THTPA: variants seen among roughly 807,000 people sequenced by gnomAD.
THTPA encodes the protein thiamine triphosphatase.
THTPA carries 16 observed loss-of-function variants against 16.5 expected under a neutral mutation model. The observed-to-expected ratio is 0.97, with a 90% CI of 0.66 to 1.47. The LOEUF (loss-of-function observed/expected upper bound fraction) is 1.47. Among genes scored for constraint, THTPA ranks in the 40% most tolerant of loss-of-function variants. The pLI is 0.00. For missense variants in THTPA, 281 were observed against 280.9 expected (o/e 1.00, Z 0.00); for synonymous variants, 110 against 115.5 (o/e 0.95, Z 0.30).
At chr14:23,512,060 C>T in the THTPA span, among the ~76,000 whole-genome samples, 1 of 152,132 alleles carries the variant, frequency 6.6e-6, no homozygotes, top group Non-Finnish European at 1.5e-5. Flanking sequence ...ATCCCAATCT[C>T]TACTTCTCTT....
the THTPA span, chr14:23,533,451 G>C: frequency 1.3e-6 from 2 of 1,533,680 alleles, no homozygotes; most frequent in African/African-American, 1.4e-5. The surrounding 1 kb of genome is among the most constrained non-coding windows in gnomAD (Gnocchi z 4.8). Flanking sequence ...GGGGGCTAGT[G>C]GGGGTAGCCC....
the THTPA span, chr14:23,523,146 A>T: frequency 1.4e-6 from 2 of 1,405,168 alleles, no homozygotes; most frequent in Non-Finnish European, 1.8e-6. The surrounding 1 kb of genome is among the most constrained non-coding windows in gnomAD (Gnocchi z 4.1). Context: ...AAGGAAGGGC[A>T]TGTCATTAGA....
the THTPA span, among the ~76,000 whole-genome samples, chr14:23,546,375 G>C: frequency 0.011 from 1,645 of 152,328 alleles, 12 homozygotes; most frequent in Non-Finnish European, 0.017. The surrounding 1 kb of genome is among the most constrained non-coding windows in gnomAD (Gnocchi z 4.7). Flanking sequence ...GGGGTGCTGA[G>C]CATCTCAGTA....
chr14:23,534,407 C>T, the THTPA span: 1 of 1,536,812 alleles, frequency 6.5e-7, no homozygotes, highest in South Asian at 1.2e-5. The surrounding 1 kb of genome is among the most constrained non-coding windows in gnomAD (Gnocchi z 4.5). Context: ...CTGCTGTTGT[C>T]AAGGGGTATG....
Position 23,559,677 on chromosome 14 carries a change from TGTAG to T in THTPA, c.*840_*843del. The T allele has an allele frequency of 7.2e-7, 1 of 1,386,836 alleles. No individual in the cohort carries two copies. Among genetic ancestry groups the T allele is most frequent in the Non-Finnish European group, 1.0e-6 (1 of 986,088 alleles). The allele number at this position is 1,386,836 out of a possible 1,614,324, so 85.9% of individuals were successfully genotyped here. ...GCGCCACCTGCTGGTAGCCCTCAGG[TGTAG>T]GTTCGAAGCTGCTGGGGCCCCCTGG... On this transcript the variant is annotated 3_prime_UTR_variant, in exon 2 of 2. Coordinates refer to ENST00000288014, the MANE Select transcript of THTPA (RefSeq NM_024328.6).
At chr14:23,530,216 T>C in the THTPA span, 7 of 1,504,988 alleles carry the variant, frequency 4.7e-6, no homozygotes, top group Non-Finnish European at 6.2e-6. Flanking sequence ...GGGGGGAGAG[T>C]CAGCTTAAAG....
the THTPA span, among the ~76,000 whole-genome samples, chr14:23,544,854 C>T: frequency 6.6e-6 from 1 of 152,170 alleles, no homozygotes; most frequent in African/African-American, 2.4e-5. Flanking sequence ...CTCCATTCCA[C>T]TTCTCCTTCT....
the THTPA span, chr14:23,524,044 A>G: frequency 6.6e-6 from 10 of 1,513,844 alleles, no homozygotes; most frequent in Non-Finnish European, 8.8e-6. This position sits in a 1 kb window ranked among gnomAD's most constrained non-coding sequence, Gnocchi z 5.6. Context: ...TGGGGTAGGG[A>G]AAAGCAGGTG....
chr14:23,544,106 T>A, the THTPA span: 6 of 151,632 alleles, frequency 4.0e-5, no homozygotes, highest in South Asian at 2.1e-4. Flanking sequence ...ACAAAAAAAA[T>A]GAGCCGGGCG....
At chr14:23,523,450 A>G in the THTPA span, 2 of 1,535,806 alleles carry the variant, frequency 1.3e-6, no homozygotes, top group South Asian at 1.2e-5. This position sits in a 1 kb window ranked among gnomAD's most constrained non-coding sequence, Gnocchi z 4.1. Flanking sequence ...GGGAAAAGAG[A>G]TGGCCTCGGC....
rs1882973341 is a variant in THTPA, at chr14:23,559,243, G to A, written c.*403G>A. The A allele has an allele frequency of 4.4e-6, 1 of 227,606 alleles. No homozygotes were observed. The highest frequency in any genetic ancestry group is 5.2e-5 in the Admixed American group (1 of 19,246). The allele number at this position is 227,606 out of a possible 1,614,324, so 14.1% of individuals were successfully genotyped here. A position where few individuals can be genotyped will look rare whatever the true frequency, so the allele number is the denominator to read the frequency against. ...GTTAGAAGATGAGGAGAGGCAGCAG[G>A]GATTTCCCTGCCTTGGGATGTGGGA... is the stretch of plus-strand genomic sequence containing the variant. On this transcript the variant is annotated 3_prime_UTR_variant, in exon 2 of 2. Transcript: ENST00000288014.
chr14:23,528,517 G>A, the THTPA span: 8 of 817,450 alleles, frequency 9.8e-6, no homozygotes, highest in African/African-American at 1.9e-5. Flanking sequence ...CTATCCTGTC[G>A]TGTCTTCTCT....
upstream of THTPA, chr14:23,551,674 TCTCCTCCTC>T (rs1161562213): frequency 2.0e-5 from 3 of 151,636 alleles, no homozygotes; most frequent in African/African-American, 5.0e-5. The surrounding 1 kb of genome is among the most constrained non-coding windows in gnomAD (Gnocchi z 5.3). Flanking sequence ...TCCTCCTCCT[TCTCCTCCTC>T]GCCCTCCTCC....
the THTPA span, chr14:23,534,674 C>T: frequency 4.8e-5 from 74 of 1,536,050 alleles, no homozygotes; most frequent in African/African-American, 8.2e-5. The surrounding 1 kb of genome is among the most constrained non-coding windows in gnomAD (Gnocchi z 4.5). Flanking sequence ...TTGGGATCTC[C>T]GGGTGGATTT....
the THTPA span, among the ~76,000 whole-genome samples, chr14:23,540,775 T>TA: frequency 6.6e-6 from 1 of 152,246 alleles, no homozygotes; most frequent in Admixed American, 6.5e-5. Context: ...AGGTAACGTG[T>TA]AAAGTGCATT....
chr14:23,525,258 T>TC, the THTPA span: 1 of 1,535,742 alleles, frequency 6.5e-7, no homozygotes, highest in Non-Finnish European at 8.7e-7. This position sits in a 1 kb window ranked among gnomAD's most constrained non-coding sequence, Gnocchi z 5.9. Flanking sequence ...GGGGCACGGG[T>TC]CCCCCCTGCC....
the THTPA span, chr14:23,524,437 C>G: frequency 2.0e-6 from 3 of 1,535,946 alleles, no homozygotes; most frequent in East Asian, 7.3e-5. This position sits in a 1 kb window ranked among gnomAD's most constrained non-coding sequence, Gnocchi z 5.6. Flanking sequence ...AGCTGCCGTC[C>G]TCATGCTTCC....
At chr14:23,542,998 C>T in the THTPA span, 1 of 152,174 alleles carries the variant, frequency 6.6e-6, no homozygotes, top group African/African-American at 2.4e-5. Flanking sequence ...CCTGGGATTA[C>T]AGGCGTGAGC....
chr14:23,534,794 T>A, the THTPA span: 6 of 1,536,048 alleles, frequency 3.9e-6, no homozygotes, highest in Non-Finnish European at 4.4e-6. The surrounding 1 kb of genome is among the most constrained non-coding windows in gnomAD (Gnocchi z 4.5). Flanking sequence ...AAGCCTTGGA[T>A]TGGGTCAAAG....
Sources: allele counts gnomAD v4.1 joint callset (sites outside exome capture counted in the v4.1 genomes callset), GRCh38; gene constraint gnomAD v4.1.1; non-coding constraint Gnocchi (gnomAD v3.1); transcripts MANE v1.5; gene names NCBI Gene and HGNC (gene_info 2026-07-23, HGNC 2026-07-21).